Variants in TAFA1 observed in about 807,000 individuals in gnomAD.
TAFA1 encodes the protein TAFA chemokine like family member 1.
A neutral mutation model predicts 18.5 loss-of-function variants in TAFA1; 4 were observed. The ratio of observed to expected loss-of-function variants is 0.22; its 90% CI spans 0.11 to 0.49. The LOEUF (loss-of-function observed/expected upper bound fraction) is 0.49, where lower values mean the gene tolerates loss of function less well. Ranked by LOEUF, TAFA1 falls within the 20% of genes least tolerant of loss-of-function variation. TAFA1 has a pLI of 0.98. For missense variants in TAFA1, 147 were observed against 169.0 expected (o/e 0.87, Z 0.72); for synonymous variants, 56 against 55.2 (o/e 1.01, Z -0.06).
At chr3:68,489,752 A>G (rs1056263970) in intron 3 of TAFA1, among the ~76,000 whole-genome samples, 3 of 152,232 alleles carry the variant, frequency 2.0e-5, no homozygotes, top group African/African-American at 4.8e-5. Flanking sequence ...TGCCATATGC[A>G]CATGGTAAAA....
intron 2 of TAFA1, among the ~76,000 whole-genome samples, chr3:68,165,629 G>C (rs969313419): frequency 5.9e-5 from 9 of 152,212 alleles, no homozygotes; most frequent in African/African-American, 2.2e-4. Flanking sequence ...TAGCATCCTA[G>C]AGTAGAATTT....
intron 2 of TAFA1, among the ~76,000 whole-genome samples, chr3:68,040,748 C>T (rs1398155199): frequency 5.9e-5 from 9 of 152,152 alleles, no homozygotes; most frequent in Non-Finnish European, 8.8e-5. Context: ...ACCCAGCAAT[C>T]TGTTTAAAAA....
intron 2 of TAFA1, among the ~76,000 whole-genome samples, chr3:68,287,907 T>TGG (rs35069967): frequency 0.019 from 964 of 51,396 alleles, 38 homozygotes; most frequent in Non-Finnish European, 0.033. Context: ...TTGTTTTTGT[T>TGG]GGGGGGTGGG....
At chr3:68,083,340 T>C (rs1240558674) in intron 2 of TAFA1, among the ~76,000 whole-genome samples, 7 of 152,276 alleles carry the variant, frequency 4.6e-5, no homozygotes, top group African/African-American at 1.4e-4. Flanking sequence ...TTGAATTATC[T>C]GAATTTTAAT....
At chr3:68,075,109 T>C (rs1575602745) in intron 2 of TAFA1, among the ~76,000 whole-genome samples, 1 of 152,178 alleles carries the variant, frequency 6.6e-6, no homozygotes, top group African/African-American at 2.4e-5. Context: ...AAACTATAAC[T>C]TTTGCCTATT....
At chr3:68,020,240 A>C (rs79226363) in intron 2 of TAFA1, among the ~76,000 whole-genome samples, 148,103 of 152,270 alleles carry the variant, frequency 0.97, 72,048 homozygotes, top group African/African-American at 0.99. Context: ...AGGTCTTTTA[A>C]CTGCCTTCAC....
intron 2 of TAFA1, among the ~76,000 whole-genome samples, chr3:68,390,067 C>A (rs963573197): frequency 6.6e-6 from 1 of 152,124 alleles, no homozygotes; most frequent in African/African-American, 2.4e-5. Flanking sequence ...CTCAGCAGAC[C>A]CTACCCCCAT....
intron 2 of TAFA1, among the ~76,000 whole-genome samples, chr3:68,341,651 T>C (rs1294405631): frequency 1.3e-5 from 2 of 152,214 alleles, no homozygotes; most frequent in African/African-American, 4.8e-5. Flanking sequence ...TATAAACTAC[T>C]TTCCTTCTCA....
In TAFA1 at chr3:68,542,283, G is replaced by A. The variant is rs113996824; in HGVS notation, c.385-2203G>A. Among the ~76,000 whole-genome samples the A allele has an allele frequency of 6.2e-3, 950 of 152,124 alleles. 9 individuals are homozygous for A. The highest frequency in any genetic ancestry group is 0.022 in the African/African-American group (918 of 41,496). On this transcript the variant is annotated intron_variant, in intron 4 of 4. Transcript: ENST00000478136. ...TCAGTACATCTGGGTGAAGTTTCAT[G>A]GCCAAATTATTCCTCTGCGTCTGCT...
chr3:68,075,262 G>A (rs1309700447), intron 2 of TAFA1, among the ~76,000 whole-genome samples: 1 of 152,170 alleles, frequency 6.6e-6, no homozygotes, highest in Non-Finnish European at 1.5e-5. Flanking sequence ...TTCCATTGAA[G>A]CCTGTGACCT....
chr3:68,524,245 A>G (rs1181030372), intron 3 of TAFA1, among the ~76,000 whole-genome samples: 1 of 152,144 alleles, frequency 6.6e-6, no homozygotes, highest in Non-Finnish European at 1.5e-5. Context: ...ACTTTTCAGC[A>G]TGGTCACGAC....
chr3:68,480,737 A>G (rs2072218995), intron 3 of TAFA1, among the ~76,000 whole-genome samples: 1 of 152,172 alleles, frequency 6.6e-6, no homozygotes, highest in African/African-American at 2.4e-5. Flanking sequence ...TACTATAGGA[A>G]TCCCTGTAAG....
chr3:68,343,963 C>T (rs886807352), intron 2 of TAFA1, among the ~76,000 whole-genome samples: 1 of 152,118 alleles, frequency 6.6e-6, no homozygotes, highest in Non-Finnish European at 1.5e-5. Flanking sequence ...TCTGCCTCAG[C>T]CTCCCGAGTA....
At chr3:68,425,584 T>C (rs770667572) in intron 3 of TAFA1, among the ~76,000 whole-genome samples, 3 of 151,914 alleles carry the variant, frequency 2.0e-5, no homozygotes, top group Non-Finnish European at 2.9e-5. Context: ...GTGTGAGAGA[T>C]GCAAGTCTGC....
intron 2 of TAFA1, among the ~76,000 whole-genome samples, chr3:68,300,993 C>G (rs1355646035): frequency 2.0e-5 from 3 of 152,048 alleles, no homozygotes; most frequent in Non-Finnish European, 4.4e-5. Flanking sequence ...TGAGAACAGA[C>G]TAATATAATA....
intron 2 of TAFA1, among the ~76,000 whole-genome samples, chr3:68,086,431 A>T (rs539533796): frequency 6.6e-6 from 1 of 152,268 alleles, no homozygotes; most frequent in East Asian, 1.9e-4. Context: ...CAGCATGTGT[A>T]TTTTGTATGT....
chr3:68,094,974 G>A (rs912570080), intron 2 of TAFA1, among the ~76,000 whole-genome samples: 1 of 152,110 alleles, frequency 6.6e-6, no homozygotes, highest in Non-Finnish European at 1.5e-5. Context: ...ATAACTGTTG[G>A]TAGTTCCAGA....
At chr3:68,032,331 C>G (rs1204389352) in intron 2 of TAFA1, among the ~76,000 whole-genome samples, 1 of 151,930 alleles carries the variant, frequency 6.6e-6, no homozygotes, top group Non-Finnish European at 1.5e-5. Context: ...TTTAGTCTAC[C>G]CTTGTTTTGA....
chr3:68,246,328 C>T (rs533621302), intron 2 of TAFA1, among the ~76,000 whole-genome samples: 91 of 152,154 alleles, frequency 6.0e-4, no homozygotes, highest in African/African-American at 2.1e-3. Flanking sequence ...CGGTGGTTCA[C>T]GCCTGTATTC....
Sources: allele counts gnomAD v4.1 joint callset (sites outside exome capture counted in the v4.1 genomes callset), GRCh38; gene constraint gnomAD v4.1.1; transcripts MANE v1.5; gene names NCBI Gene and HGNC (gene_info 2026-07-23, HGNC 2026-07-21).